PRRT4: variants seen among roughly 807,000 people sequenced by gnomAD.
PRRT4 encodes proline rich transmembrane protein 4.
PRRT4 carries 59 observed loss-of-function variants against 55.6 expected under a neutral mutation model. That is an observed-to-expected ratio of 1.06 (90% confidence interval 0.86 to 1.32). PRRT4 has a LOEUF of 1.32. PRRT4 is among the 40% of genes most tolerant of loss of function. The pLI, the probability that PRRT4 is intolerant of heterozygous loss-of-function variation, is 0.00. For synonymous variants in PRRT4, 606 were observed against 601.8 expected (o/e 1.01, Z -0.10); for missense variants, 1,217 against 1,222.0 (o/e 1.00, Z 0.06).
chr7:128,357,897 G>C (rs955702946), intron 4 of PRRT4, among the ~76,000 whole-genome samples: 1 of 152,232 alleles, frequency 6.6e-6, no homozygotes, highest in African/African-American at 2.4e-5. Context: ...AGGTTTCTGA[G>C]AGGTAGGGTC....
chr7:128,351,444 CG>C lies in PRRT4; in HGVS notation c.2111del (p.Pro704ArgfsTer187), dbSNP rs1302421290. 2.0e-6 allele frequency: 3 copies of C among 1,524,052 alleles called. No individual in the cohort carries two copies. In the Admixed American group the frequency reaches 6.1e-5, roughly 31 times the overall value. 94.4% of individuals were successfully genotyped at this position (1,524,052 alleles called of 1,614,324 possible). A position where few individuals can be genotyped will look rare whatever the true frequency, so the allele number is the denominator to read the frequency against. On this transcript the variant is annotated frameshift_variant, in exon 5 of 5. Transcript: ENST00000535159. LOFTEE classifies it high-confidence loss of function. ...AGGGAGAGGAAGCCGGGGACGGGGC[CG>C]GGTTGGCCGCCGCGCCTTCGAAGCC...
downstream of PRRT4, chr7:128,350,725 C>T (rs548144562): frequency 4.2e-6 from 6 of 1,424,082 alleles, no homozygotes; most frequent in South Asian, 5.7e-5. Context: ...ACCCAGGGAC[C>T]CCTGGATGGG....
chr7:128,359,588 C>G (rs1429824325), exon 2 of PRRT4: 2 of 1,508,746 alleles, frequency 1.3e-6, no homozygotes, highest in East Asian at 4.9e-5. Flanking sequence ...GGGCCCAGAG[C>G]GCCGGGATGT....
chr7:128,351,969 G>T (rs1255296054), exon 5 of PRRT4: 30 of 1,300,952 alleles, frequency 2.3e-5, no homozygotes, highest in Non-Finnish European at 2.8e-5. Context: ...ACCCTCCCAG[G>T]GGCGCCCCGG....
At chr7:128,360,496 C>A (rs555814225) in intron 1 of PRRT4, among the ~76,000 whole-genome samples, 1 of 152,190 alleles carries the variant, frequency 6.6e-6, no homozygotes, top group Non-Finnish European at 1.5e-5. Context: ...CTATTCCAAC[C>A]CCCACCTCCC....
chr7:128,351,606 C>G, exon 5 of PRRT4: 3 of 1,506,078 alleles, frequency 2.0e-6, no homozygotes, highest in Non-Finnish European at 2.6e-6. Flanking sequence ...CCCAGCCTCC[C>G]GGCAGCAGCG....
chr7:128,351,396 G>A (rs1219644034), exon 5 of PRRT4: 2 of 1,542,224 alleles, frequency 1.3e-6, no homozygotes, highest in Non-Finnish European at 1.7e-6. Context: ...AGGGCGGGCG[G>A]AAGTCCACGG....
chr7:128,351,212 C>T (rs1457864842), exon 5 of PRRT4: 20 of 1,540,464 alleles, frequency 1.3e-5, no homozygotes, highest in Non-Finnish European at 1.7e-5. Context: ...GCAGCGGGGC[C>T]AGAGGCCTCC....
chr7:128,352,030 A>G lies in PRRT4; in HGVS notation c.1526T>C (p.Leu509Pro), dbSNP rs1231330226. Residue 509 changes from leucine (L) to proline (P), a missense_variant, in exon 5 of 5, where the codon CTT (leucine) becomes CCT (proline). Coordinates refer to ENST00000535159, the Ensembl canonical transcript of PRRT4. ...GGAGAGCGCCAGCAGCAGCCCGGAAAGGAAAGCGGCGAGAAAGGCGTGCAG... is the reference window on the plus strand; with the variant it reads ...GGAGAGCGCCAGCAGCAGCCCGGAAGGGAAAGCGGCGAGAAAGGCGTGCAG... 4 of 1,302,928 alleles carry G rather than the reference A, an allele frequency of 3.1e-6. No homozygotes were observed. In the East Asian group the frequency reaches 1.4e-4, roughly 45 times the overall value. The allele number at this position is 1,302,928 out of a possible 1,614,324, so 80.7% of individuals were successfully genotyped here. A position where few individuals can be genotyped will look rare whatever the true frequency, so the allele number is the denominator to read the frequency against.
intron 4 of PRRT4, among the ~76,000 whole-genome samples, chr7:128,355,019 G>A (rs1584683442): frequency 1.3e-5 from 2 of 152,326 alleles, no homozygotes; most frequent in South Asian, 4.1e-4. Flanking sequence ...GTGTCAGTGT[G>A]ACTACCTCTG....
exon 5 of PRRT4, chr7:128,351,296 C>T (rs1796958551): frequency 2.6e-6 from 4 of 1,543,014 alleles, no homozygotes; most frequent in Non-Finnish European, 3.5e-6. Context: ...GGCAGAGCGT[C>T]CTCGAAGGCA....
rs2116493531 is a variant in PRRT4, at chr7:128,359,273, T to C, written c.653-20A>G. The C allele has an allele frequency of 1.3e-6, 2 of 1,546,626 alleles. No individual in the cohort carries two copies. Among genetic ancestry groups the C allele is most frequent in the East Asian group, 4.9e-5 (2 of 40,870 alleles). On this transcript the variant is annotated intron_variant, in intron 2 of 4. Coordinates refer to ENST00000535159, the Ensembl canonical transcript of PRRT4. ...AGAATCCTGCAAAAGAAGCCCAGGC[T>C]GAAGCTGCCTCCTACCTGCCAGGGG...
At chr7:128,357,644 C>T (rs1797144501) in intron 4 of PRRT4, among the ~76,000 whole-genome samples, 1 of 152,230 alleles carries the variant, frequency 6.6e-6, no homozygotes, top group Admixed American at 6.5e-5. Context: ...AGAACCAGGT[C>T]ATGGGTTAAG....
At chr7:128,356,141 C>T (rs1797107349) in intron 4 of PRRT4, among the ~76,000 whole-genome samples, 1 of 152,124 alleles carries the variant, frequency 6.6e-6, no homozygotes, top group African/African-American at 2.4e-5. Flanking sequence ...CACCTGTAGT[C>T]CCAGATACTC....
At chr7:128,360,031 T>A (rs1797211397) in exon 2 of PRRT4, 4 of 1,297,706 alleles carry the variant, frequency 3.1e-6, no homozygotes, top group East Asian at 3.0e-5. Flanking sequence ...GGGCAGGGAC[T>A]CAGTTGTTCA....
intron 4 of PRRT4, among the ~76,000 whole-genome samples, chr7:128,352,928 C>T (rs1056262544): frequency 5.3e-5 from 8 of 151,786 alleles, no homozygotes; most frequent in Admixed American, 5.3e-4. Context: ...TCTGCCTCGG[C>T]CCCCCAGCTC....
intron 4 of PRRT4, among the ~76,000 whole-genome samples, chr7:128,356,133 C>CT (rs1797107022): frequency 1.3e-5 from 2 of 152,258 alleles, no homozygotes; most frequent in South Asian, 2.1e-4. Flanking sequence ...GTGGCAGACA[C>CT]CTGTAGTCCC....
chr7:128,355,190 TTTTG>T (rs367624034), intron 4 of PRRT4, among the ~76,000 whole-genome samples: 7,122 of 152,144 alleles, frequency 0.047, 200 homozygotes, highest in Non-Finnish European at 0.058. Flanking sequence ...ACTTTGGGTT[TTTTG>T]TTTGTTTGTT....
downstream of PRRT4, chr7:128,350,634 C>A: frequency 1.5e-6 from 1 of 666,006 alleles, no homozygotes; most frequent in South Asian, 2.0e-5. Context: ...CCTAGATTTG[C>A]AGCTGAGGGC....
Sources: allele counts gnomAD v4.1 joint callset (sites outside exome capture counted in the v4.1 genomes callset), GRCh38; gene constraint gnomAD v4.1.1; transcripts MANE v1.5; gene names NCBI Gene and HGNC (gene_info 2026-07-23, HGNC 2026-07-21).